CYP4Z1: variants seen among roughly 807,000 people sequenced by gnomAD.
The protein encoded by CYP4Z1 is cytochrome P450 family 4 subfamily Z member 1.
A neutral mutation model predicts 54.2 loss-of-function variants in CYP4Z1; 41 were observed. The observed-to-expected ratio is 0.76, with a 90% confidence interval of 0.59 to 0.98. CYP4Z1 has a LOEUF of 0.98. CYP4Z1 is among the 50% of genes least tolerant of loss of function. The pLI is 0.00. For synonymous variants in CYP4Z1, 163 were observed against 206.2 expected (o/e 0.79, Z 1.79); for missense variants, 513 against 599.0 (o/e 0.86, Z 1.50).
chr1:47,107,881 C>T (rs973875490), intron 9 of CYP4Z1, among the ~76,000 whole-genome samples: 1 of 152,098 alleles, frequency 6.6e-6, no homozygotes, highest in Non-Finnish European at 1.5e-5. Context: ...GCAGCTGCTG[C>T]GGGTAACTTT....
Position 47,067,404 on chromosome 1 carries a change from G to A in CYP4Z1, c.-87G>A. 8.4e-7 allele frequency: 1 copy of A among 1,188,028 alleles called. No individual in the cohort carries two copies. Among genetic ancestry groups the A allele is most frequent in the Non-Finnish European group, 1.1e-6 (1 of 895,948 alleles). 73.6% of individuals were successfully genotyped at this position (1,188,028 alleles called of 1,614,324 possible). On this transcript the variant is annotated 5_prime_UTR_variant, in exon 1 of 12. Coordinates refer to ENST00000334194, the MANE Select transcript of CYP4Z1 (RefSeq NM_178134.3). ...TTTTGAAAGCCCAGTGTTGCCCAGG[G>A]GGCATCTCCTTTGTGTTTATGAGAG...
chr1:47,093,769 T>C (rs1345301586), intron 6 of CYP4Z1, among the ~76,000 whole-genome samples: 1 of 152,168 alleles, frequency 6.6e-6, no homozygotes, highest in African/African-American at 2.4e-5. Context: ...TTCACAGAAG[T>C]AGCTTAGAGC....
At chr1:47,088,563 G>A (rs774473425) in intron 6 of CYP4Z1, among the ~76,000 whole-genome samples, 72 of 148,772 alleles carry the variant, frequency 4.8e-4, no homozygotes, top group Middle Eastern at 3.5e-3. Context: ...TTTTTTTTTC[G>A]TCTATTTGAT....
At chr1:47,059,797 T>A in the CYP4Z1 span, among the ~76,000 whole-genome samples, 1 of 152,146 alleles carries the variant, frequency 6.6e-6, no homozygotes. Context: ...AGGCTGATGG[T>A]CCCCTATGGG....
intron 9 of CYP4Z1, among the ~76,000 whole-genome samples, chr1:47,114,381 A>G (rs1644814646): frequency 6.6e-6 from 1 of 152,192 alleles, no homozygotes; most frequent in African/African-American, 2.4e-5. Flanking sequence ...GGACATAGGC[A>G]TGGGCAAGGA....
intron 6 of CYP4Z1, among the ~76,000 whole-genome samples, chr1:47,089,389 A>G (rs1644622019): frequency 6.6e-6 from 1 of 151,946 alleles, no homozygotes; most frequent in Non-Finnish European, 1.5e-5. Context: ...ATTAGGCAAA[A>G]TATTACAGCA....
chr1:47,061,064 G>C, the CYP4Z1 span, among the ~76,000 whole-genome samples: 7 of 152,098 alleles, frequency 4.6e-5, no homozygotes, highest in Non-Finnish European at 1.0e-4. Flanking sequence ...TAAGAGGGAA[G>C]TTCATAGCAT....
intron 10 of CYP4Z1, among the ~76,000 whole-genome samples, chr1:47,116,114 G>A (rs942472813): frequency 1.1e-4 from 16 of 152,070 alleles, no homozygotes; most frequent in African/African-American, 3.1e-4. Flanking sequence ...GCAAACCAGC[G>A]CTCAGACCAA....
chr1:47,116,497 A>G (rs1466774854), intron 10 of CYP4Z1, among the ~76,000 whole-genome samples, 153 bp from the exon 11 acceptor site: 1 of 152,184 alleles, frequency 6.6e-6, no homozygotes, highest in Non-Finnish European at 1.5e-5. Flanking sequence ...GGGAACATCA[A>G]GCAGGACTTG....
At chr1:47,117,692 T>C (rs1644840116) in intron 11 of CYP4Z1, 74 bp from the exon 12 acceptor site, 2 of 1,472,116 alleles carry the variant, frequency 1.4e-6, no homozygotes, top group South Asian at 1.5e-5. Flanking sequence ...TCGTCATATA[T>C]AAAAAGATTG....
chr1:47,057,335 A>AAAAAAAAAAAATATATAT, the CYP4Z1 span, among the ~76,000 whole-genome samples: 25 of 28,440 alleles, frequency 8.8e-4, no homozygotes, highest in Non-Finnish European at 1.4e-3. Flanking sequence ...AAGAAAAAAA[A>AAAAAAAAAAAATATATAT]ATATATATAT....
chr1:47,103,568 CCTT>C (rs201541541), intron 8 of CYP4Z1, among the ~76,000 whole-genome samples: 1,497 of 149,358 alleles, frequency 0.01, 26 homozygotes, highest in African/African-American at 0.035. Context: ...TTGTATCTCA[CCTT>C]CTTCTTTTTT....
At chr1:47,111,285 G>A (rs1436781398) in intron 9 of CYP4Z1, among the ~76,000 whole-genome samples, 2 of 152,098 alleles carry the variant, frequency 1.3e-5, no homozygotes, top group East Asian at 1.9e-4. Context: ...CCAGATTCAA[G>A]CAATTCTCCT....
intron 8 of CYP4Z1, among the ~76,000 whole-genome samples, chr1:47,105,500 G>C (rs1385720767): frequency 2.6e-5 from 4 of 152,106 alleles, no homozygotes; most frequent in African/African-American, 9.7e-5. Flanking sequence ...TCACTGGAGG[G>C]CTCTCACTTA....
At chr1:47,109,097 G>A (rs1390180907) in intron 9 of CYP4Z1, among the ~76,000 whole-genome samples, 1 of 151,908 alleles carries the variant, frequency 6.6e-6, no homozygotes, top group Admixed American at 6.6e-5. Context: ...AAGCCACTTG[G>A]GTGATTCTGT....
At chr1:47,099,575 G>A (rs1419821347) in intron 8 of CYP4Z1, among the ~76,000 whole-genome samples, 1 of 152,076 alleles carries the variant, frequency 6.6e-6, no homozygotes, top group African/African-American at 2.4e-5. Flanking sequence ...TGTCACGGAA[G>A]GCAGGAATAT....
intron 2 of CYP4Z1, among the ~76,000 whole-genome samples, chr1:47,071,404 G>GA (rs1194118478): frequency 1.1e-4 from 13 of 121,740 alleles, no homozygotes; most frequent in Admixed American, 3.3e-4. Context: ...TTCGTCTCAA[G>GA]AAAAAAAAAT....
At chr1:47,068,526 C>A in intron 1 of CYP4Z1, 96 bp from the exon 2 acceptor site, 1 of 1,489,786 alleles carries the variant, frequency 6.7e-7, no homozygotes, top group Non-Finnish European at 9.1e-7. Flanking sequence ...GGGTGGTGTC[C>A]ACAGATCCTC....
chr1:47,062,519 C>T (rs1353317997), upstream of CYP4Z1, among the ~76,000 whole-genome samples: 13 of 152,146 alleles, frequency 8.5e-5, 1 homozygote, highest in African/African-American at 2.9e-4. Context: ...GTGAGACTGG[C>T]CTTTAGGTCT....
Sources: gnomAD v4.1 joint callset for allele counts (sites outside exome capture counted in the v4.1 genomes callset) on GRCh38, gnomAD v4.1.1 for gene constraint, MANE v1.5 for transcripts, NCBI Gene and HGNC (gene_info 2026-07-23, HGNC 2026-07-21) for gene names.